The following ARHGAP17 variants were observed in gnomAD, a reference collection of about 807,000 sequenced individuals.
The protein encoded by ARHGAP17 is rho GTPase-activating protein 17.
Under a neutral mutation model 99.5 loss-of-function variants are expected in ARHGAP17, and 57 were observed. The ratio of observed to expected loss-of-function variants is 0.57; its 90% CI spans 0.46 to 0.71. The LOEUF is 0.71. Ranked by LOEUF, ARHGAP17 falls within the 30% of genes least tolerant of loss-of-function variation. ARHGAP17 has a pLI of 0.00. For missense variants in ARHGAP17, 1,000 were observed against 1,122.4 expected (o/e 0.89, Z 1.56); for synonymous variants, 417 against 429.6 (o/e 0.97, Z 0.36).
At chr16:24,983,897 G>A (rs763753635) in intron 1 of ARHGAP17, among the ~76,000 whole-genome samples, 99 of 152,258 alleles carry the variant, frequency 6.5e-4, no homozygotes, top group Middle Eastern at 3.4e-3. Flanking sequence ...TTTTCTCCTC[G>A]TAATTCTCAA....
Position 24,954,593 on chromosome 16 carries a change from C to A in ARHGAP17, c.852+10G>T. 1 of 1,610,468 alleles carries A rather than the reference C, an allele frequency of 6.2e-7. No individual in the cohort carries two copies. Among genetic ancestry groups the A allele is most frequent in the Non-Finnish European group, 8.5e-7 (1 of 1,178,188 alleles). ...AGACTTGGTGCACAGGATCACGAAG[C>A]TCCCCTCACCTCCTCCTTCATGCCT... On this transcript the variant is annotated intron_variant, in intron 10 of 19. Coordinates refer to ENST00000289968, the MANE Select transcript of ARHGAP17 (RefSeq NM_001006634.3).
chr16:24,992,135 G>T (rs1415991191), intron 1 of ARHGAP17, among the ~76,000 whole-genome samples: 1 of 152,122 alleles, frequency 6.6e-6, no homozygotes, highest in East Asian at 1.9e-4. Context: ...GCCTGCCATG[G>T]AACTCGGGGG....
chr16:25,015,199 G>A lies in ARHGAP17; in HGVS notation c.53+10C>T. ...CCCGGTGCGACCCCCGTGCTGCCCG[G>A]CGCACTCGCCTGCCCACGGTCTGGT... On this transcript the variant is annotated intron_variant, in intron 1 of 19. Coordinates refer to ENST00000289968, the MANE Select transcript of ARHGAP17 (RefSeq NM_001006634.3). 7.6e-7 allele frequency: 1 copy of A among 1,320,242 alleles called. No individual in the cohort carries two copies. 81.8% of individuals were successfully genotyped at this position (1,320,242 alleles called of 1,614,324 possible).
chr16:24,950,836 C>CAAAAAAAAAAAAAAAAAAAAAA lies in ARHGAP17; in HGVS notation c.1047-1374_1047-1353dup, dbSNP rs1177614713. 1.4e-3 allele frequency among the ~76,000 whole-genome samples: 56 copies of CAAAAAAAAAAAAAAAAAAAAAA among 39,404 alleles called. 2 individuals are homozygous for CAAAAAAAAAAAAAAAAAAAAAA. Among genetic ancestry groups the CAAAAAAAAAAAAAAAAAAAAAA allele is most frequent in the African/African-American group, 5.3e-3 (50 of 9,512 alleles). 25.9% of individuals were successfully genotyped at this position (39,404 alleles called of 152,430 possible). A position where few individuals can be genotyped will look rare whatever the true frequency, so the allele number is the denominator to read the frequency against. On this transcript the variant is annotated intron_variant, in intron 12 of 19. Transcript: ENST00000289968. The stretch of plus-strand genomic sequence containing the variant: ...TGGGCGACAGAGTGGGACTCCAACT[C>CAAAAAAAAAAAAAAAAAAAAAA]AAAAAAAAAAAAAAAAAAAAAAGAA...
At chr16:24,953,859 C>G (rs1021584177) in intron 10 of ARHGAP17, among the ~76,000 whole-genome samples, 1 of 152,142 alleles carries the variant, frequency 6.6e-6, no homozygotes, top group African/African-American at 2.4e-5. Context: ...ACAAGAAGCA[C>G]CAATGTAGGC....
chr16:24,960,894 T>TA (rs2051973243), intron 7 of ARHGAP17, among the ~76,000 whole-genome samples: 1 of 151,836 alleles, frequency 6.6e-6, no homozygotes, highest in East Asian at 1.9e-4. Context: ...TTTTTTGAGA[T>TA]AGAGTCTCAC....
intron 1 of ARHGAP17, among the ~76,000 whole-genome samples, chr16:24,984,315 A>G (rs955140912): frequency 6.6e-6 from 1 of 152,120 alleles, no homozygotes; most frequent in Non-Finnish European, 1.5e-5. Context: ...GGGCAGAGAG[A>G]GAGCTCTAAA....
intron 19 of ARHGAP17, among the ~76,000 whole-genome samples, chr16:24,930,513 T>C (rs2050952645): frequency 6.6e-6 from 1 of 152,206 alleles, no homozygotes; most frequent in South Asian, 2.1e-4. Context: ...GCAGTAAATG[T>C]TTCCAACTTT....
intron 9 of ARHGAP17, 121 bp downstream of exon 9, chr16:24,959,550 C>A: frequency 1.1e-6 from 1 of 880,246 alleles, no homozygotes; most frequent in Non-Finnish European, 1.7e-6. Context: ...GAAACAGTAC[C>A]CTCCTAGGCA....
In ARHGAP17 at chr16:24,985,947, T is replaced by C. The variant is rs148331329; in HGVS notation, c.54-6942A>G. Among the ~76,000 whole-genome samples, 897 of 152,322 alleles carry C rather than the reference T, an allele frequency of 5.9e-3. 5 individuals are homozygous for C. The highest frequency in any genetic ancestry group is 0.01 in the Middle Eastern group (3 of 294). ...ACTCCACCACCTCCCTTTTTATGCC[T>C]GTACATTAACCTATTCTGTGGATAT... On this transcript the variant is annotated intron_variant, in intron 1 of 19. Transcript: ENST00000289968.
At chr16:24,941,817 A>T in intron 16 of ARHGAP17, 170 bp downstream of exon 16, 1 of 800,824 alleles carries the variant, frequency 1.2e-6, no homozygotes. Context: ...CTTTATGGTG[A>T]GATTAGTGCT....
intron 18 of ARHGAP17, 98 bp downstream of exon 18, chr16:24,935,372 A>G (rs1476537378): frequency 4.4e-6 from 6 of 1,351,070 alleles, no homozygotes; most frequent in Non-Finnish European, 5.9e-6. Flanking sequence ...CAGACATAGA[A>G]AAGATCTGGC....
At chr16:24,972,244 G>A (rs899113351) in intron 3 of ARHGAP17, among the ~76,000 whole-genome samples, 5 of 152,180 alleles carry the variant, frequency 3.3e-5, no homozygotes, top group Non-Finnish European at 7.3e-5. Flanking sequence ...CTGGGGAAAT[G>A]GGCTAGGAGG....
chr16:24,942,288 C>A (rs868290628), intron 15 of ARHGAP17, 145 bp from the exon 16 acceptor site: 3 of 752,902 alleles, frequency 4.0e-6, no homozygotes, highest in African/African-American at 3.5e-5. Context: ...GCACTCACAT[C>A]GCAAGAATGG....
intron 14 of ARHGAP17, among the ~76,000 whole-genome samples, chr16:24,946,536 C>A (rs2141210959): frequency 6.6e-6 from 1 of 151,138 alleles, no homozygotes; most frequent in South Asian, 2.1e-4. Flanking sequence ...ATACGCTATC[C>A]CAAAATATGC....
At chr16:25,003,098 T>C (rs1485770010) in intron 1 of ARHGAP17, among the ~76,000 whole-genome samples, 2 of 148,590 alleles carry the variant, frequency 1.3e-5, no homozygotes, top group Admixed American at 6.7e-5. Context: ...AAATGGAAAT[T>C]AGAGAAAATA....
intron 14 of ARHGAP17, among the ~76,000 whole-genome samples, chr16:24,945,480 A>C (rs2051443643): frequency 6.6e-6 from 1 of 152,162 alleles, no homozygotes. Context: ...ACCAGGCTTC[A>C]GGTTCTTCAC....
chr16:25,015,194 G>T lies in ARHGAP17; in HGVS notation c.53+15C>A, dbSNP rs946795968. On this transcript the variant is annotated intron_variant, in intron 1 of 19. Transcript: ENST00000289968. The stretch of plus-strand genomic sequence containing the variant: ...CCAGCCCCGGTGCGACCCCCGTGCT[G>T]CCCGGCGCACTCGCCTGCCCACGGT... 2.6e-5 allele frequency: 34 copies of T among 1,313,042 alleles called. No homozygotes were observed. Among genetic ancestry groups the T allele is most frequent in the Non-Finnish European group, 3.2e-5 (33 of 1,024,904 alleles). The allele number at this position is 1,313,042 out of a possible 1,614,324, so 81.3% of individuals were successfully genotyped here. A position where few individuals can be genotyped will look rare whatever the true frequency, so the allele number is the denominator to read the frequency against.
At chr16:25,004,845 G>A (rs1224701060) in intron 1 of ARHGAP17, among the ~76,000 whole-genome samples, 1 of 152,240 alleles carries the variant, frequency 6.6e-6, no homozygotes, top group African/African-American at 2.4e-5. Context: ...AGTAGCCAAT[G>A]CAAATAATCA....
Sources: gnomAD v4.1 joint callset for allele counts (sites outside exome capture counted in the v4.1 genomes callset) on GRCh38, gnomAD v4.1.1 for gene constraint, MANE v1.5 for transcripts, NCBI Gene and HGNC (gene_info 2026-07-23, HGNC 2026-07-21) for gene names.